RTL4: variants seen among roughly 807,000 people sequenced by gnomAD.
The protein encoded by RTL4 is retrotransposon Gag-like protein 4.
Under a neutral mutation model 5.3 loss-of-function variants are expected in RTL4, and 4 were observed. The ratio of observed to expected loss-of-function variants is 0.75; its 90% CI spans 0.37 to 1.72. The LOEUF is 1.72. Among genes scored for constraint, RTL4 ranks in the 40% most tolerant of loss-of-function variants. The pLI, the probability that RTL4 is intolerant of heterozygous loss-of-function variation, is 0.04. For missense variants in RTL4, 260 were observed against 227.1 expected (o/e 1.14, Z -0.93); for synonymous variants, 98 against 87.3 (o/e 1.12, Z -0.68).
the RTL4 span, among the ~76,000 whole-genome samples, chrX:112,442,415 A>ATT: frequency 1.2e-4 from 12 of 97,199 alleles, no homozygotes; most frequent in African/African-American, 3.7e-4. Flanking sequence ...TAATTTTTGT[A>ATT]TTTTTTTTTT....
chrX:112,263,385 T>G, the RTL4 span, among the ~76,000 whole-genome samples: 12 of 109,377 alleles, frequency 1.1e-4, no homozygotes, highest in East Asian at 3.5e-3. Flanking sequence ...TGAGCAAAGA[T>G]AAAGGGCCAG....
At chrX:112,268,093 A>T in the RTL4 span, among the ~76,000 whole-genome samples, 1 of 111,637 alleles carries the variant, frequency 9.0e-6, no homozygotes, top group Non-Finnish European at 1.9e-5. Context: ...TGAAAAGCCA[A>T]AGTCCTTATA....
the RTL4 span, among the ~76,000 whole-genome samples, chrX:112,408,284 A>G: frequency 9.0e-6 from 1 of 110,850 alleles, no homozygotes; most frequent in East Asian, 2.8e-4. Flanking sequence ...GAATCTTATA[A>G]GATAAATTTA....
At chrX:112,200,827 C>T in the RTL4 span, among the ~76,000 whole-genome samples, 1 of 111,558 alleles carries the variant, frequency 9.0e-6, no homozygotes, top group Non-Finnish European at 1.9e-5. Context: ...GTGCTGCTGC[C>T]CCATGTAAAG....
the RTL4 span, among the ~76,000 whole-genome samples, chrX:112,207,351 A>T: frequency 2.7e-5 from 3 of 111,302 alleles, no homozygotes; most frequent in Admixed American, 1.9e-4. Flanking sequence ...ACCCTATCTA[A>T]AATAGTTCTT....
chrX:112,217,858 G>A, the RTL4 span, among the ~76,000 whole-genome samples: 27,913 of 110,478 alleles, frequency 0.25, 3,474 homozygotes, highest in African/African-American at 0.49. Flanking sequence ...TCTCTTTTCT[G>A]CAGGAGACTT....
the RTL4 span, among the ~76,000 whole-genome samples, chrX:112,111,714 T>C: frequency 8.9e-6 from 1 of 112,591 alleles, no homozygotes; most frequent in Non-Finnish European, 1.9e-5. Flanking sequence ...TAGGTACTGT[T>C]ACATCACTAA....
the RTL4 span, among the ~76,000 whole-genome samples, chrX:112,326,183 A>C: frequency 8.9e-6 from 1 of 111,956 alleles, no homozygotes; most frequent in East Asian, 2.8e-4. Context: ...GTTCCAGTCT[A>C]CAGCTCCCAG....
chrX:112,312,946 G>T, the RTL4 span, among the ~76,000 whole-genome samples: 1 of 110,855 alleles, frequency 9.0e-6, no homozygotes, highest in Admixed American at 9.8e-5. Context: ...TCAAAAAGGA[G>T]GATTAGTAAC....
chrX:112,448,452 C>G, the RTL4 span, among the ~76,000 whole-genome samples: 1 of 111,438 alleles, frequency 9.0e-6, no homozygotes, highest in Non-Finnish European at 1.9e-5. Context: ...GGGTCATATT[C>G]CAGATTGCAG....
the RTL4 span, among the ~76,000 whole-genome samples, chrX:112,261,829 T>A: frequency 1.8e-5 from 2 of 111,925 alleles, no homozygotes; most frequent in Admixed American, 1.9e-4. Context: ...AACATGGTAC[T>A]GGTACCAAAA....
chrX:112,390,161 T>TATATATATA, the RTL4 span, among the ~76,000 whole-genome samples: 3 of 39,974 alleles, frequency 7.5e-5, no homozygotes, highest in Admixed American at 3.9e-4. Context: ...ATATATATAT[T>TATATATATA]TAGGATCGTG....
chrX:112,126,601 C>T, the RTL4 span, among the ~76,000 whole-genome samples: 2 of 111,434 alleles, frequency 1.8e-5, no homozygotes, highest in Non-Finnish European at 3.8e-5. Context: ...AATAGAAAAA[C>T]AATGGAATCA....
At chrX:112,172,593 G>T in the RTL4 span, among the ~76,000 whole-genome samples, 145 of 111,304 alleles carry the variant, frequency 1.3e-3, no homozygotes, top group African/African-American at 4.5e-3. Context: ...GTGGAAGACA[G>T]TGTGGCAATT....
the RTL4 span, among the ~76,000 whole-genome samples, chrX:112,268,782 G>C: frequency 8.9e-6 from 1 of 112,175 alleles, no homozygotes; most frequent in East Asian, 2.8e-4. Context: ...TGCCTGCTGG[G>C]CATCACTGCC....
At chrX:112,200,481 T>C in the RTL4 span, among the ~76,000 whole-genome samples, 1 of 112,002 alleles carries the variant, frequency 8.9e-6, no homozygotes, top group Non-Finnish European at 1.9e-5. Flanking sequence ...AATGAATGTA[T>C]GAGAGAATAA....
the RTL4 span, among the ~76,000 whole-genome samples, chrX:112,407,251 C>T: frequency 1.8e-5 from 2 of 111,078 alleles, no homozygotes; most frequent in African/African-American, 6.6e-5. Context: ...TTGGACCTTG[C>T]CTGAACCAAA....
chrX:112,187,973 C>A, the RTL4 span, among the ~76,000 whole-genome samples: 1 of 111,308 alleles, frequency 9.0e-6, no homozygotes. Flanking sequence ...GGAGAGAAAT[C>A]GATGATGATG....
chrX:112,425,418 T>C, the RTL4 span, among the ~76,000 whole-genome samples: 55 of 111,291 alleles, frequency 4.9e-4, no homozygotes, highest in African/African-American at 1.8e-3. Flanking sequence ...AGGACTTAAG[T>C]TTTCAATTCC....
Sources: gnomAD v4.1 joint callset for allele counts (sites outside exome capture counted in the v4.1 genomes callset) on GRCh38, gnomAD v4.1.1 for gene constraint, MANE v1.5 for transcripts, NCBI Gene and HGNC (gene_info 2026-07-23, HGNC 2026-07-21) for gene names.